Variants in PALD1 observed in about 807,000 individuals in gnomAD.
PALD1 encodes phosphatase domain containing paladin 1.
Under a neutral mutation model 96.0 loss-of-function variants are expected in PALD1, and 57 were observed. The ratio of observed to expected loss-of-function variants is 0.59; its 90% CI spans 0.48 to 0.74. The LOEUF (loss-of-function observed/expected upper bound fraction) is 0.74. Ranked by LOEUF, PALD1 falls within the 30% of genes least tolerant of loss-of-function variation. The probability of loss-of-function intolerance (pLI) is 0.00; values close to 1 mark genes in which losing one functional copy is unlikely to be tolerated. For synonymous variants in PALD1, 464 were observed against 473.6 expected (o/e 0.98, Z 0.26); for missense variants, 1,063 against 1,143.7 (o/e 0.93, Z 1.02).
intron 1 of PALD1, among the ~76,000 whole-genome samples, chr10:70,525,559 G>A (rs1167206992): frequency 6.6e-6 from 1 of 152,004 alleles, no homozygotes. Flanking sequence ...GAAAGGTCTG[G>A]CCTTTGTCTA....
At chr10:70,541,062 A>G (rs377045748) in intron 15 of PALD1, 40 bp from the exon 16 acceptor site, 9 of 1,548,188 alleles carry the variant, frequency 5.8e-6, no homozygotes, top group Non-Finnish European at 7.8e-6. Context: ...TGTGCATCCA[A>G]GAGACGCCCG....
chr10:70,459,164 G>C, the PALD1 span, among the ~76,000 whole-genome samples: 1 of 151,954 alleles, frequency 6.6e-6, no homozygotes, highest in Non-Finnish European at 1.5e-5. Context: ...TCGCTCACTG[G>C]GACGCTGCTT....
chr10:70,461,036 C>G, the PALD1 span, among the ~76,000 whole-genome samples: 1 of 151,922 alleles, frequency 6.6e-6, no homozygotes, highest in South Asian at 2.1e-4. Context: ...GCCTGAGCAA[C>G]AAGAGCAAAA....
intron 1 of PALD1, among the ~76,000 whole-genome samples, chr10:70,508,805 G>GTGTT (rs1846448913): frequency 7.2e-6 from 1 of 137,962 alleles, no homozygotes; most frequent in Non-Finnish European, 1.6e-5. Flanking sequence ...GTGTGTGTGT[G>GTGTT]TGTGTGTGTG....
chr10:70,498,880 A>T (rs1192282584), intron 1 of PALD1, among the ~76,000 whole-genome samples: 5 of 151,618 alleles, frequency 3.3e-5, no homozygotes, highest in African/African-American at 9.7e-5. Context: ...GTGAGCCAAG[A>T]TCGCCCCATT....
chr10:70,487,829 G>A (rs1846038176), intron 1 of PALD1, among the ~76,000 whole-genome samples: 1 of 152,214 alleles, frequency 6.6e-6, no homozygotes, highest in Non-Finnish European at 1.5e-5. Context: ...AGACAAGTCT[G>A]ACAACACTTT....
Position 70,509,299 on chromosome 10 carries a change from G to C in PALD1, c.-29-16624G>C, listed in dbSNP as rs80277298. ...GGAAGAGCCAGCTGCGGAAACGGAGGCTGGGCTCTGTCTTGTACTGTAGAG... is the reference window on the plus strand; with the variant it reads ...GGAAGAGCCAGCTGCGGAAACGGAGCCTGGGCTCTGTCTTGTACTGTAGAG... On this transcript the variant is annotated intron_variant, in intron 1 of 19. Coordinates refer to ENST00000263563, the MANE Select transcript of PALD1 (RefSeq NM_014431.3). Among the ~76,000 whole-genome samples the C allele has an allele frequency of 6.5e-3, 992 of 152,336 alleles. 10 individuals are homozygous for C. The highest frequency in any genetic ancestry group is 0.022 in the African/African-American group (934 of 41,554).
chr10:70,534,612 T>C, intron 9 of PALD1, 88 bp downstream of exon 9: 1 of 1,127,920 alleles, frequency 8.9e-7, no homozygotes, highest in Non-Finnish European at 1.3e-6. Flanking sequence ...TCCTTCCCGA[T>C]ACCCTCCCCT....
intron 1 of PALD1, among the ~76,000 whole-genome samples, chr10:70,516,162 G>T (rs1352206652): frequency 6.6e-6 from 1 of 152,094 alleles, no homozygotes; most frequent in Non-Finnish European, 1.5e-5. Flanking sequence ...ATGGAGTCTC[G>T]TTCTGTTGCC....
At chr10:70,530,209 G>A in intron 4 of PALD1, 141 bp downstream of exon 4, 1 of 619,582 alleles carries the variant, frequency 1.6e-6, no homozygotes, top group East Asian at 3.3e-5. Context: ...GGCCCTGCCT[G>A]CCAGGATGGT....
chr10:70,483,318 C>T (rs1419440597), intron 1 of PALD1, among the ~76,000 whole-genome samples: 1 of 152,168 alleles, frequency 6.6e-6, no homozygotes, highest in Non-Finnish European at 1.5e-5. Context: ...CTGACTTTGG[C>T]TTTAAGGGGT....
intron 10 of PALD1, among the ~76,000 whole-genome samples, 185 bp downstream of exon 10, chr10:70,535,028 G>T (rs1847080611): frequency 6.6e-6 from 1 of 152,230 alleles, no homozygotes; most frequent in Non-Finnish European, 1.5e-5. Flanking sequence ...ACAAGGAAGA[G>T]GGGAAGTTTA....
chr10:70,544,468 A>G (rs1050140983), intron 17 of PALD1, among the ~76,000 whole-genome samples: 22 of 151,898 alleles, frequency 1.4e-4, no homozygotes, highest in African/African-American at 5.3e-4. Flanking sequence ...GCAGGCAGTT[A>G]TATGTGGACT....
At chr10:70,515,305 G>A (rs894306890) in intron 1 of PALD1, among the ~76,000 whole-genome samples, 4 of 152,208 alleles carry the variant, frequency 2.6e-5, no homozygotes, top group Non-Finnish European at 4.4e-5. Flanking sequence ...AACAGAGCTG[G>A]GGCCTCCTGG....
chr10:70,535,668 C>A (rs1589204154), intron 10 of PALD1, among the ~76,000 whole-genome samples: 1 of 120,534 alleles, frequency 8.3e-6, no homozygotes, highest in African/African-American at 2.6e-5. Flanking sequence ...TCTCCTCCTC[C>A]TTCTCCTTTC....
intron 1 of PALD1, among the ~76,000 whole-genome samples, chr10:70,518,628 T>A (rs929031649): frequency 6.6e-6 from 1 of 152,204 alleles, no homozygotes; most frequent in Admixed American, 6.5e-5. Flanking sequence ...CTTTACATTT[T>A]AAAAAAATTG....
chr10:70,565,065 G>A (rs1461814327), intron 19 of PALD1, among the ~76,000 whole-genome samples: 1 of 152,222 alleles, frequency 6.6e-6, no homozygotes, highest in East Asian at 1.9e-4. Context: ...CCTGAAGGCT[G>A]CGTTGGGGAC....
intron 18 of PALD1, among the ~76,000 whole-genome samples, chr10:70,558,121 GT>G (rs1354782311): frequency 6.6e-6 from 1 of 151,368 alleles, no homozygotes; most frequent in African/African-American, 2.4e-5. Flanking sequence ...TTTTGTTGTT[GT>G]TTTGGTAGAG....
chr10:70,496,041 C>T (rs1236554662), intron 1 of PALD1, among the ~76,000 whole-genome samples: 1 of 151,294 alleles, frequency 6.6e-6, no homozygotes, highest in Non-Finnish European at 1.5e-5. Context: ...ACAACAACAG[C>T]AGTAACAACA....
Sources: gnomAD v4.1 joint callset for allele counts (sites outside exome capture counted in the v4.1 genomes callset) on GRCh38, gnomAD v4.1.1 for gene constraint, MANE v1.5 for transcripts, NCBI Gene and HGNC (gene_info 2026-07-23, HGNC 2026-07-21) for gene names.